GBE1: variants seen among roughly 807,000 people sequenced by gnomAD.
The protein encoded by GBE1 is 1,4-alpha-glucan-branching enzyme.
A neutral mutation model predicts 88.8 loss-of-function variants in GBE1; 70 were observed. That is an observed-to-expected ratio of 0.79 (90% CI 0.65 to 0.96). The LOEUF (loss-of-function observed/expected upper bound fraction) is 0.96. Among genes scored for constraint, GBE1 ranks in the 40% least tolerant of loss-of-function variants. GBE1 has a pLI of 0.00. For missense variants in GBE1, 872 were observed against 871.0 expected (o/e 1.00, Z -0.01); for synonymous variants, 284 against 300.1 (o/e 0.95, Z 0.56).
Position 81,750,639 on chromosome 3 carries a change from A to ATATG in GBE1, c.143+10735_143+10736insCATA, listed in dbSNP as rs1336517283. On this transcript the variant is annotated intron_variant, in intron 1 of 15. Coordinates refer to ENST00000429644, the MANE Select transcript of GBE1 (RefSeq NM_000158.4). Reference sequence around the variant, plus strand: ...TATGTATATATATATACGTATATATATATATGTATATATATATATGTATAT... The same window carrying ATATG: ...TATGTATATATATATACGTATATATATATGTATATGTATATATATATATGTATAT... Among the ~76,000 whole-genome samples, 45 of 54,532 alleles carry ATATG rather than the reference A, an allele frequency of 8.3e-4. 1 individual carries two copies. Among genetic ancestry groups the ATATG allele is most frequent in the African/African-American group, 4.7e-3 (40 of 8,464 alleles). 35.8% of individuals were successfully genotyped at this position (54,532 alleles called of 152,430 possible).
At chr3:81,580,689 A>T (rs1304309303) in intron 11 of GBE1, among the ~76,000 whole-genome samples, 1 of 152,118 alleles carries the variant, frequency 6.6e-6, no homozygotes, top group South Asian at 2.1e-4. Context: ...GTATTCGAGA[A>T]GACAGACTAA....
intron 7 of GBE1, among the ~76,000 whole-genome samples, chr3:81,625,332 A>G (rs1037107995): frequency 2.0e-5 from 3 of 152,188 alleles, no homozygotes; most frequent in African/African-American, 4.8e-5. Context: ...CACTTCAGTC[A>G]CTGGAGGCAC....
chr3:81,554,037 G>C (rs968436861), intron 12 of GBE1, among the ~76,000 whole-genome samples: 1 of 152,128 alleles, frequency 6.6e-6, no homozygotes, highest in Non-Finnish European at 1.5e-5. Flanking sequence ...AATGTTGTAA[G>C]AACCAGATAT....
At chr3:81,620,771 G>A (rs749446849) in intron 7 of GBE1, among the ~76,000 whole-genome samples, 2 of 152,172 alleles carry the variant, frequency 1.3e-5, no homozygotes, top group Non-Finnish European at 2.9e-5. Flanking sequence ...GAGTTGCAGT[G>A]AGGTGGCGGG....
intron 8 of GBE1, among the ~76,000 whole-genome samples, chr3:81,591,646 G>A (rs1176887377): frequency 6.6e-6 from 1 of 152,030 alleles, no homozygotes; most frequent in African/African-American, 2.4e-5. Context: ...AGTTCCCTAT[G>A]ATAAAGAGAT....
At position 81,545,612 on chromosome 3, in the gene GBE1, A is replaced by ATGTG. The variant is rs1396513501; in HGVS notation, c.1619-8518_1619-8517insCACA. 3.0e-4 allele frequency among the ~76,000 whole-genome samples: 27 copies of ATGTG among 90,862 alleles called. No homozygotes were observed. The East Asian group carries it at 0.012, about 40-fold the overall frequency. 59.6% of individuals were successfully genotyped at this position (90,862 alleles called of 152,430 possible). On this transcript the variant is annotated intron_variant, in intron 12 of 15. Coordinates refer to ENST00000429644, the MANE Select transcript of GBE1 (RefSeq NM_000158.4). ...ATGTAATTCTTTGTTGATATCAAGC[A>ATGTG]TATGTGTGTGTGTGTGTGTGTGTGT...
chr3:81,697,301 C>CTTT (rs774202162), intron 2 of GBE1, among the ~76,000 whole-genome samples: 3 of 141,396 alleles, frequency 2.1e-5, no homozygotes, highest in Middle Eastern at 3.8e-3. Flanking sequence ...CAGACAACAT[C>CTTT]TTTTTTTTTT....
intron 2 of GBE1, among the ~76,000 whole-genome samples, chr3:81,672,513 GC>G (rs572706995): frequency 5.7e-4 from 87 of 151,976 alleles, no homozygotes; most frequent in South Asian, 8.3e-4. Flanking sequence ...CAGAAGAATA[GC>G]ATTTATATCA....
intron 10 of GBE1, among the ~76,000 whole-genome samples, chr3:81,585,100 TA>T (rs990290994): frequency 2.1e-4 from 32 of 152,180 alleles, no homozygotes; most frequent in African/African-American, 6.3e-4. Flanking sequence ...TTATGTTTTC[TA>T]AGTAAAAATC....
At position 81,761,443 on chromosome 3, in the gene GBE1, C is replaced by T. The variant is rs1390802875; in HGVS notation, c.75G>A (p.Val25=). Residue 25 remains valine, a synonymous_variant, in exon 1 of 16, where the codon GTG becomes GTA. Transcript: ENST00000429644. ...TCTCCAGGAGTCTGGCCAGTTCGGG[C>T]ACGTCAGCCAGGGCGGCATTGAGCG... ...EAALNAALAD[V]PELARLLEID... is the part of the protein sequence containing the mutation. 2.5e-6 allele frequency: 4 copies of T among 1,613,562 alleles called. No individual in the cohort carries two copies. The African/African-American group carries it at 4.0e-5, about 16-fold the overall frequency.
At chr3:81,669,441 A>T (rs564731389) in intron 3 of GBE1, among the ~76,000 whole-genome samples, 9 of 152,348 alleles carry the variant, frequency 5.9e-5, no homozygotes, top group Non-Finnish European at 1.0e-4. Flanking sequence ...AGCAATGAAA[A>T]CAATAATAGT....
intron 7 of GBE1, among the ~76,000 whole-genome samples, chr3:81,622,029 A>G (rs1704340332): frequency 6.6e-6 from 1 of 152,318 alleles, no homozygotes; most frequent in Admixed American, 6.5e-5. Context: ...CAGCTGAACT[A>G]TCACCTACCT....
chr3:81,725,159 T>C (rs1355914230), intron 1 of GBE1, among the ~76,000 whole-genome samples: 21 of 152,222 alleles, frequency 1.4e-4, no homozygotes, highest in Non-Finnish European at 3.1e-4. Flanking sequence ...TATTTAAACA[T>C]TTTTTATTCT....
At chr3:81,682,621 A>G (rs1705366498) in intron 2 of GBE1, among the ~76,000 whole-genome samples, 1 of 152,226 alleles carries the variant, frequency 6.6e-6, no homozygotes, top group Admixed American at 6.5e-5. Flanking sequence ...TAGCAAAGAT[A>G]TGGAAAAATT....
intron 7 of GBE1, among the ~76,000 whole-genome samples, chr3:81,602,504 G>T (rs1704046830): frequency 6.6e-6 from 1 of 152,074 alleles, no homozygotes; most frequent in African/African-American, 2.4e-5. Flanking sequence ...TTCTGATGAG[G>T]GTCCTCTTAC....
At chr3:81,536,241 T>C (rs561972008) in intron 13 of GBE1, among the ~76,000 whole-genome samples, 1 of 151,654 alleles carries the variant, frequency 6.6e-6, no homozygotes, top group South Asian at 2.1e-4. Context: ...GACACCAAAG[T>C]AAAAACACAT....
At chr3:81,684,164 G>A (rs1241338298) in intron 2 of GBE1, among the ~76,000 whole-genome samples, 6 of 152,080 alleles carry the variant, frequency 3.9e-5, no homozygotes, top group Admixed American at 1.3e-4. Flanking sequence ...CCAAATCACA[G>A]AGCTACTACA....
intron 3 of GBE1, among the ~76,000 whole-genome samples, chr3:81,659,342 T>A (rs983515367): frequency 4.6e-5 from 7 of 151,584 alleles, no homozygotes; most frequent in African/African-American, 1.5e-4. Context: ...TTTTATTTTT[T>A]TTTTATTTTT....
intron 7 of GBE1, among the ~76,000 whole-genome samples, chr3:81,608,579 CACA>C (rs534503031): frequency 4.9e-4 from 74 of 152,152 alleles, no homozygotes; most frequent in Non-Finnish European, 9.0e-4. Context: ...GAACACTTCC[CACA>C]ACATTATTCA....
Sources: allele counts gnomAD v4.1 joint callset (sites outside exome capture counted in the v4.1 genomes callset), GRCh38; gene constraint gnomAD v4.1.1; transcripts MANE v1.5; gene names NCBI Gene and HGNC (gene_info 2026-07-23, HGNC 2026-07-21).